Variants in CD2AP observed in about 807,000 individuals in gnomAD.
CD2AP encodes CD2-associated protein.
Under a neutral mutation model 85.1 loss-of-function variants are expected in CD2AP, and 46 were observed. That is an observed-to-expected ratio of 0.54 (90% confidence interval 0.43 to 0.69). CD2AP has a LOEUF of 0.69. Ranked by LOEUF, CD2AP falls within the 30% of genes least tolerant of loss-of-function variation. CD2AP has a pLI of 0.00. For synonymous variants in CD2AP, 255 were observed against 252.9 expected, an observed-to-expected ratio of 1.01 and a Z score of -0.08; for missense variants, 769 against 729.5, an observed-to-expected ratio of 1.05 and a Z score of -0.62.
At chr6:47,545,597 ATT>A in intron 4 of CD2AP, among the ~76,000 whole-genome samples, 1 of 152,272 alleles carries the variant, frequency 6.6e-6, no homozygotes, top group South Asian at 2.1e-4. Flanking sequence ...CACAGAGTTC[ATT>A]TCAATACCCC....
chr6:47,589,581 T>TATATA (rs1562046500), intron 11 of CD2AP, among the ~76,000 whole-genome samples: 2 of 148,558 alleles, frequency 1.3e-5, no homozygotes, highest in South Asian at 2.2e-4. Flanking sequence ...TATATATATA[T>TATATA]TTGTCAGAGT....
chr6:47,515,957 A>C (rs1246662433), intron 2 of CD2AP, among the ~76,000 whole-genome samples: 1 of 152,220 alleles, frequency 6.6e-6, no homozygotes, highest in East Asian at 1.9e-4. Flanking sequence ...AAAAGTAAAA[A>C]TACAGGTAAT....
chr6:47,537,019 C>G (rs149222793), intron 3 of CD2AP, among the ~76,000 whole-genome samples: 2,469 of 152,238 alleles, frequency 0.016, 32 homozygotes, highest in Middle Eastern at 0.024. Flanking sequence ...GTAGTGGAAA[C>G]TCACGCTACA....
chr6:47,533,888 CTA>C, intron 3 of CD2AP, 133 bp downstream of exon 3: 1 of 808,666 alleles, frequency 1.2e-6, no homozygotes. Flanking sequence ...TCTCATGTTA[CTA>C]GTTATTGCCC....
intron 4 of CD2AP, among the ~76,000 whole-genome samples, chr6:47,548,542 G>A (rs1004928002): frequency 3.3e-5 from 5 of 152,016 alleles, no homozygotes; most frequent in Non-Finnish European, 5.9e-5. Context: ...AACAGGCAGC[G>A]AGGTTGAAGT....
intron 1 of CD2AP, among the ~76,000 whole-genome samples, chr6:47,491,634 A>C (rs138097263): frequency 1.7e-3 from 266 of 152,132 alleles, no homozygotes; most frequent in African/African-American, 5.5e-3. Context: ...AATTTGTGTA[A>C]ATTGTTTATT....
chr6:47,506,377 A>G (rs374283826), intron 2 of CD2AP, among the ~76,000 whole-genome samples: 1 of 34,530 alleles, frequency 2.9e-5, no homozygotes, highest in Admixed American at 2.5e-4. Flanking sequence ...AGGCAGAGAC[A>G]CTCCTCACTT....
In CD2AP at chr6:47,625,245, C is replaced by A. The variant is rs774792083; in HGVS notation, c.*1018C>A. The A allele has an allele frequency of 6.6e-6, 1 of 151,742 alleles. No homozygotes were observed. The highest frequency in any genetic ancestry group is 1.5e-5 in the Non-Finnish European group (1 of 67,760). 9.4% of individuals were successfully genotyped at this position (151,742 alleles called of 1,614,324 possible). A position where few individuals can be genotyped will look rare whatever the true frequency, so the allele number is the denominator to read the frequency against. On this transcript the variant is annotated 3_prime_UTR_variant, in exon 18 of 18. Transcript: ENST00000359314. Reference sequence around the variant, plus strand: ...TTTTCAGAACTTCAGTGTGAGGTTTCCTATTTTGACAAGTTAACTTGTAAA... The same window carrying A: ...TTTTCAGAACTTCAGTGTGAGGTTTACTATTTTGACAAGTTAACTTGTAAA...
rs540428345 is a variant in CD2AP, at chr6:47,590,397, T to C, written c.1109-5464T>C. Among the ~76,000 whole-genome samples the C allele has an allele frequency of 2.0e-5, 3 of 152,044 alleles. No individual in the cohort carries two copies. The South Asian group carries it at 6.2e-4, about 32-fold the overall frequency. ...GTGTGTATATTTTTAAAAGAAAATA[T>C]CTGAACTGAAACATAAGGAGACAAA... On this transcript the variant is annotated intron_variant, in intron 11 of 17. Coordinates refer to ENST00000359314, the MANE Select transcript of CD2AP (RefSeq NM_012120.3).
intron 11 of CD2AP, among the ~76,000 whole-genome samples, chr6:47,588,043 C>G (rs1768677749): frequency 6.6e-6 from 1 of 152,126 alleles, no homozygotes; most frequent in South Asian, 2.1e-4. Context: ...GTTTGCAGTT[C>G]CATCTGTTTG....
At chr6:47,622,696 T>G (rs1487863197) in intron 17 of CD2AP, among the ~76,000 whole-genome samples, 3 of 152,162 alleles carry the variant, frequency 2.0e-5, no homozygotes, top group Non-Finnish European at 4.4e-5. Flanking sequence ...TTGGGGTGTT[T>G]CCCAGGTCCT....
chr6:47,574,095 A>G lies in CD2AP; in HGVS notation c.573A>G (p.Ile191Met), dbSNP rs1768232792. 4 of 1,613,856 alleles carry G rather than the reference A, an allele frequency of 2.5e-6. No individual in the cohort carries two copies. The highest frequency in any genetic ancestry group is 1.7e-5 in the Admixed American group (1 of 59,982). Residue 191 changes from isoleucine to methionine, a missense_variant, in exon 6 of 18, where the codon ATA becomes ATG. Transcript: ENST00000359314. ...ETVLAGPTSP[I>M]PSLGNVSETA... is the part of the protein sequence containing the mutation. ...TTTTGGCTGGGCCTACTTCACCTAT[A>G]CCTTCTCTGGGAAATGTGAGTGAAA...
At chr6:47,518,515 T>G (rs1766507848) in intron 2 of CD2AP, among the ~76,000 whole-genome samples, 1 of 152,250 alleles carries the variant, frequency 6.6e-6, no homozygotes, top group Non-Finnish European at 1.5e-5. Flanking sequence ...TTCCATTTTA[T>G]GTATACCACA....
At chr6:47,479,680 A>T (rs562188875) in intron 1 of CD2AP, among the ~76,000 whole-genome samples, 1 of 152,206 alleles carries the variant, frequency 6.6e-6, no homozygotes, top group Non-Finnish European at 1.5e-5. Flanking sequence ...TTAATTACAC[A>T]GTTCTTTTCT....
chr6:47,573,728 A>C (rs1021825132), intron 5 of CD2AP, among the ~76,000 whole-genome samples: 5 of 151,966 alleles, frequency 3.3e-5, no homozygotes, highest in African/African-American at 1.2e-4. Context: ...TGACCTCGTG[A>C]TCTGCCAGTC....
intron 2 of CD2AP, among the ~76,000 whole-genome samples, chr6:47,513,538 T>C (rs760735382): frequency 2.0e-5 from 3 of 151,962 alleles, no homozygotes; most frequent in Non-Finnish European, 4.4e-5. Context: ...AGTGGTATTT[T>C]AGTGTTTTTT....
At chr6:47,521,227 C>A (rs1459520643) in intron 2 of CD2AP, among the ~76,000 whole-genome samples, 1 of 152,034 alleles carries the variant, frequency 6.6e-6, no homozygotes, top group East Asian at 1.9e-4. Context: ...AGTCTAAATA[C>A]TCATAATTAT....
At position 47,536,361 on chromosome 6, in the gene CD2AP, A is replaced by C. The variant is rs542563675; in HGVS notation, c.319+2606A>C. Among the ~76,000 whole-genome samples, 62 of 152,158 alleles carry C rather than the reference A, an allele frequency of 4.1e-4. 1 individual carries two copies. Among genetic ancestry groups the C allele is most frequent in the Non-Finnish European group, 1.9e-4 (13 of 67,968 alleles). On this transcript the variant is annotated intron_variant, in intron 3 of 17. Coordinates refer to ENST00000359314, the MANE Select transcript of CD2AP (RefSeq NM_012120.3). ...GTACTATTAATATTAATTTAAAAAA[A>C]CCCAAAACCATTGTATTAACATAAG...
intron 3 of CD2AP, among the ~76,000 whole-genome samples, chr6:47,538,077 G>C (rs1212797314): frequency 1.3e-5 from 2 of 151,680 alleles, no homozygotes; most frequent in Admixed American, 1.3e-4. Flanking sequence ...AGATACGACT[G>C]TATGAATGGC....
Sources: allele counts gnomAD v4.1 joint callset (sites outside exome capture counted in the v4.1 genomes callset), GRCh38; gene constraint gnomAD v4.1.1; transcripts MANE v1.5; gene names NCBI Gene and HGNC (gene_info 2026-07-23, HGNC 2026-07-21).